The following ZIC2 variants were observed in gnomAD, a reference collection of about 807,000 sequenced individuals.
The protein encoded by ZIC2 is zinc finger protein ZIC 2.
ZIC2 carries 7 observed loss-of-function variants against 29.5 expected under a neutral mutation model. The ratio of observed to expected loss-of-function variants is 0.24; its 90% CI spans 0.14 to 0.45. The LOEUF (loss-of-function observed/expected upper bound fraction) is 0.45. ZIC2 is among the 20% of genes least tolerant of loss of function. The pLI, the probability that ZIC2 is intolerant of heterozygous loss-of-function variation, is 1.00. For missense variants in ZIC2, 589 were observed against 781.2 expected, an observed-to-expected ratio of 0.75 and a Z score of 2.93; for synonymous variants, 408 against 354.2, an observed-to-expected ratio of 1.15 and a Z score of -1.70.
chr13:99,985,700 C>T lies in ZIC2; in HGVS notation c.*18C>T. 1 of 1,329,504 alleles carries T rather than the reference C, an allele frequency of 7.5e-7. No homozygotes were observed. Among genetic ancestry groups the T allele is most frequent in the South Asian group, 1.6e-5 (1 of 62,718 alleles). 82.4% of individuals were successfully genotyped at this position (1,329,504 alleles called of 1,614,324 possible). ...ACGTGTGACGGGTCGGGGCCTCTCTCCCTCTCCCTGTCCCCACCCCAGCGC... is the reference window on the plus strand; with the variant it reads ...ACGTGTGACGGGTCGGGGCCTCTCTTCCTCTCCCTGTCCCCACCCCAGCGC... On this transcript the variant is annotated 3_prime_UTR_variant, in exon 3 of 3. Transcript: ENST00000376335. This position sits in a 1 kb window ranked among gnomAD's most constrained non-coding sequence, Gnocchi z 6.3.
At chr13:99,984,721 C>T in intron 1 of ZIC2, 1 of 553,270 alleles carries the variant, frequency 1.8e-6, no homozygotes, top group Non-Finnish European at 3.2e-6. Context: ...AGGAGATGGA[C>T]GTCAGCCTGG....
rs1243929445 is a variant in ZIC2 at position 99,982,354 on chromosome 13, C to T, written c.290C>T (p.Ala97Val). ...GCTGCGGCTGCCGCTGCGGCCGCAG[C>T]GCTCGGGCCCCACGCCGCGCACGTT... is the stretch of plus-strand genomic sequence containing the variant. ...GSAAAAAAAAALGPHAAHVGS... is the reference protein window; with the variant it reads ...GSAAAAAAAAVLGPHAAHVGS... The change falls in exon 1 of 3, where the codon GCG (alanine) becomes GTG (valine). Residue 97 changes from alanine (A) to valine (V), a missense_variant. Ala to Val is a moderately conservative substitution (Grantham distance 64). Transcript: ENST00000376335. The T allele has an allele frequency of 6.1e-6, 9 of 1,467,194 alleles. No individual in the cohort carries two copies. The highest frequency in any genetic ancestry group is 2.7e-5 in the Admixed American group (1 of 37,084). 90.9% of individuals were successfully genotyped at this position (1,467,194 alleles called of 1,614,324 possible).
At chr13:99,984,022 C>T (rs1006268346) in intron 1 of ZIC2, among the ~76,000 whole-genome samples, 2 of 152,156 alleles carry the variant, frequency 1.3e-5, no homozygotes, top group African/African-American at 4.8e-5. Flanking sequence ...TGTTCTCTTC[C>T]GGGAAGGGAG....
chr13:99,985,637 G>A lies in ZIC2; in HGVS notation c.1554G>A (p.Gly518=), dbSNP rs199669243. 581 of 1,281,976 alleles carry A rather than the reference G, an allele frequency of 4.5e-4. 5 individuals carry two copies. The African/African-American group carries it at 8.5e-3, about 19-fold the overall frequency. The allele number at this position is 1,281,976 out of a possible 1,614,324, so 79.4% of individuals were successfully genotyped here. The stretch of plus-strand genomic sequence containing the variant: ...CTGGCGGGGGCAGCGGGACAGCCGG[G>A]GGTCACAGCGGCCTCTCCTCCAACT... The part of the protein sequence containing the change: ...GSSGGGSGTA[G]GHSGLSSNFN... The change falls in exon 3 of 3, where the codon GGG becomes GGA. Residue 518 remains glycine (G), a synonymous_variant. Coordinates refer to ENST00000376335, the MANE Select transcript of ZIC2 (RefSeq NM_007129.5). This position sits in a 1 kb window ranked among gnomAD's most constrained non-coding sequence, Gnocchi z 6.3.
rs537421827 is a variant in ZIC2 at position 99,982,259 on chromosome 13, C to T, written c.195C>T (p.Gly65=). The change falls in exon 1 of 3, where the codon GGC becomes GGT. Residue 65 remains glycine, a synonymous_variant. Coordinates refer to ENST00000376335, the MANE Select transcript of ZIC2 (RefSeq NM_007129.5). ...AHMGAFKLNP[G]AHELSPGQSS... Reference sequence around the variant, plus strand: ...TGGGAGCCTTCAAGCTCAACCCGGGCGCGCACGAGCTGTCCCCGGGCCAGA... The same window carrying T: ...TGGGAGCCTTCAAGCTCAACCCGGGTGCGCACGAGCTGTCCCCGGGCCAGA... 31 of 1,506,702 alleles carry T rather than the reference C, an allele frequency of 2.1e-5. No individual in the cohort carries two copies. The Middle Eastern group carries it at 5.9e-4, about 29-fold the overall frequency. 93.3% of individuals were successfully genotyped at this position (1,506,702 alleles called of 1,614,324 possible).
Position 99,981,792 on chromosome 13 carries a change from C to G in ZIC2, c.-273C>G, listed in dbSNP as rs1293142988. 1.8e-6 allele frequency: 1 copy of G among 555,760 alleles called. No individual in the cohort carries two copies. Among genetic ancestry groups the G allele is most frequent in the African/African-American group, 2.1e-5 (1 of 48,696 alleles). 34.4% of individuals were successfully genotyped at this position (555,760 alleles called of 1,614,324 possible). A position where few individuals can be genotyped will look rare whatever the true frequency, so the allele number is the denominator to read the frequency against. On this transcript the variant is annotated 5_prime_UTR_variant, in exon 1 of 3. Transcript: ENST00000376335. ...GTTCTCCGCCTGGCTTTGGACTCTT[C>G]TCCTCCTCCACCTCCTCCTCCTCCT...
Position 99,983,244 on chromosome 13 carries a change from C to T in ZIC2, c.1075+105C>T, listed in dbSNP as rs1298454001. 6 of 1,465,934 alleles carry T rather than the reference C, an allele frequency of 4.1e-6. No homozygotes were observed. Among genetic ancestry groups the T allele is most frequent in the Non-Finnish European group, 5.5e-6 (6 of 1,093,040 alleles). The allele number at this position is 1,465,934 out of a possible 1,614,324, so 90.8% of individuals were successfully genotyped here. ...TGGGCGCAGACCGCCAGCCGGGGAC[C>T]TGGGATGGGAGGTGTTTTTGCGTGT... On this transcript the variant is annotated intron_variant, in intron 1 of 2. Transcript: ENST00000376335. This position sits in a 1 kb window ranked among gnomAD's most constrained non-coding sequence, Gnocchi z 4.7.
At chr13:99,984,567 G>T in intron 1 of ZIC2, 1 of 328,384 alleles carries the variant, frequency 3.0e-6, no homozygotes. Context: ...CCAGCAGCCT[G>T]TGTGATTTTG....
At position 99,985,756 on chromosome 13, in the gene ZIC2, C is replaced by A; in HGVS notation, c.*74C>A. ...CCCTCCCCGCAGCTAGCAGCGAGGG[C>A]ACCTTGTGATCATGTTGTTAAAATT... On this transcript the variant is annotated 3_prime_UTR_variant, in exon 3 of 3. Transcript: ENST00000376335. This position sits in a 1 kb window ranked among gnomAD's most constrained non-coding sequence, Gnocchi z 6.3. The A allele has an allele frequency of 3.5e-6, 3 of 846,842 alleles. No homozygotes were observed. The highest frequency in any genetic ancestry group is 4.8e-6 in the Non-Finnish European group (3 of 625,492). The allele number at this position is 846,842 out of a possible 1,614,324, so 52.5% of individuals were successfully genotyped here.
chr13:99,982,598 G>A lies in ZIC2; in HGVS notation c.534G>A (p.Gln178=). The A allele has an allele frequency of 6.3e-7, 1 of 1,580,026 alleles. No homozygotes were observed. The highest frequency in any genetic ancestry group is 8.5e-7 in the Non-Finnish European group (1 of 1,169,806). ...PHGSQNVLNG[Q]MRLGLPGEVF... ...GCTCGCAGAATGTGCTCAACGGGCA[G>A]ATGCGCCTCGGGCTGCCCGGCGAGG... The change falls in exon 1 of 3, where the codon CAG becomes CAA. Residue 178 remains glutamine (Q), a synonymous_variant. Transcript: ENST00000376335.
chr13:99,984,246 C>A (rs950916032), intron 1 of ZIC2: 1 of 154,236 alleles, frequency 6.5e-6, no homozygotes, highest in African/African-American at 2.4e-5. Flanking sequence ...GGAATTCTGG[C>A]AACAGGATGC....
rs1261433948 is a variant in ZIC2, at chr13:99,983,496, G to A, written c.1075+357G>A. 6.6e-6 allele frequency among the ~76,000 whole-genome samples: 1 copy of A among 152,146 alleles called. No individual in the cohort carries two copies. The highest frequency in any genetic ancestry group is 1.5e-5 in the Non-Finnish European group (1 of 68,034). The stretch of plus-strand genomic sequence containing the variant: ...GTGCCCGGGAAGCGAGCCTAGAGAG[G>A]ATTTTGCCAGCTTGTCTGAATGTGC... On this transcript the variant is annotated intron_variant, in intron 1 of 2. Transcript: ENST00000376335. This position sits in a 1 kb window ranked among gnomAD's most constrained non-coding sequence, Gnocchi z 4.7.
In ZIC2 at chr13:99,985,238, T is replaced by C. The variant is rs1419690922; in HGVS notation, c.1240-85T>C. On this transcript the variant is annotated intron_variant, in intron 2 of 2. Coordinates refer to ENST00000376335, the MANE Select transcript of ZIC2 (RefSeq NM_007129.5). The surrounding 1 kb of genome is among the most constrained non-coding windows in gnomAD (Gnocchi z 6.3). Reference sequence around the variant, plus strand: ...GCGGCGGGGGGAACATTTCTGGGGGTGCTCTCCCCCAGGGGCCCGGCCCCA... The same window carrying C: ...GCGGCGGGGGGAACATTTCTGGGGGCGCTCTCCCCCAGGGGCCCGGCCCCA... 3.1e-6 allele frequency: 5 copies of C among 1,599,598 alleles called. No homozygotes were observed.
At chr13:99,984,669 GC>G (rs2053254181) in intron 1 of ZIC2, 10 of 465,038 alleles carry the variant, frequency 2.2e-5, no homozygotes, top group South Asian at 2.1e-4. Context: ...CTCTAGAAAG[GC>G]AGGCAGGGCT....
At position 99,981,859 on chromosome 13, in the gene ZIC2, C is replaced by T; in HGVS notation, c.-206C>T. 9.3e-7 allele frequency: 1 copy of T among 1,075,806 alleles called. No individual in the cohort carries two copies. Among genetic ancestry groups the T allele is most frequent in the Non-Finnish European group, 1.3e-6 (1 of 799,832 alleles). 66.6% of individuals were successfully genotyped at this position (1,075,806 alleles called of 1,614,324 possible). A position where few individuals can be genotyped will look rare whatever the true frequency, so the allele number is the denominator to read the frequency against. ...CTCCTCCTCTTCCTCTCCGCGCCTT[C>T]GCTACGCGCCCGGCCGCCCGAGGCA... On this transcript the variant is annotated 5_prime_UTR_variant, in exon 1 of 3. Transcript: ENST00000376335.
At position 99,981,841 on chromosome 13, in the gene ZIC2, T is replaced by G. The variant is rs1460705577; in HGVS notation, c.-224T>G. ...CTCCCGCGCCGCCGCCTCCTCCTCC[T>G]CTTCCTCTCCGCGCCTTCGCTACGC... is the stretch of plus-strand genomic sequence containing the variant. On this transcript the variant is annotated 5_prime_UTR_variant, in exon 1 of 3. Transcript: ENST00000376335. 31 of 890,824 alleles carry G rather than the reference T, an allele frequency of 3.5e-5. No individual in the cohort carries two copies. Among genetic ancestry groups the G allele is most frequent in the Non-Finnish European group, 4.6e-5 (29 of 633,294 alleles). 55.2% of individuals were successfully genotyped at this position (890,824 alleles called of 1,614,324 possible).
At position 99,985,130 on chromosome 13, in the gene ZIC2, A is replaced by T; in HGVS notation, c.1239+21A>T. The T allele has an allele frequency of 2.5e-6, 4 of 1,613,646 alleles. No individual in the cohort carries two copies. Among genetic ancestry groups the T allele is most frequent in the Non-Finnish European group, 3.4e-6 (4 of 1,179,762 alleles). On this transcript the variant is annotated intron_variant, in intron 2 of 2. Transcript: ENST00000376335. The surrounding 1 kb of genome is among the most constrained non-coding windows in gnomAD (Gnocchi z 6.3). ...TGAAGGTACCACCGCGGCGGCCGGG[A>T]GGAGGGCGAGGCAGGCCGAGGCGCC... is the stretch of plus-strand genomic sequence containing the variant.
chr13:99,981,856 CT>C lies in ZIC2; in HGVS notation c.-207del. The C allele has an allele frequency of 9.5e-7, 1 of 1,055,214 alleles. No individual in the cohort carries two copies. Among genetic ancestry groups the C allele is most frequent in the Non-Finnish European group, 1.3e-6 (1 of 779,968 alleles). The allele number at this position is 1,055,214 out of a possible 1,614,324, so 65.4% of individuals were successfully genotyped here. ...CTCCTCCTCCTCTTCCTCTCCGCGC[CT>C]TCGCTACGCGCCCGGCCGCCCGAGG... On this transcript the variant is annotated 5_prime_UTR_variant, in exon 1 of 3. Transcript: ENST00000376335.
In ZIC2 at chr13:99,985,809, A is replaced by T; in HGVS notation, c.*127A>T. 2.2e-6 allele frequency: 1 copy of T among 457,882 alleles called. No individual in the cohort carries two copies. Among genetic ancestry groups the T allele is most frequent in the Non-Finnish European group, 3.1e-6 (1 of 319,536 alleles). 28.4% of individuals were successfully genotyped at this position (457,882 alleles called of 1,614,324 possible). A position where few individuals can be genotyped will look rare whatever the true frequency, so the allele number is the denominator to read the frequency against. Reference sequence around the variant, plus strand: ...GAATCTGATTTTTATGATGATGAAAATTTTACCAGCAGAAGGATTTTTTAA... The same window carrying T: ...GAATCTGATTTTTATGATGATGAAATTTTTACCAGCAGAAGGATTTTTTAA... On this transcript the variant is annotated 3_prime_UTR_variant, in exon 3 of 3. Transcript: ENST00000376335. The surrounding 1 kb of genome is among the most constrained non-coding windows in gnomAD (Gnocchi z 6.3).
Sources: gnomAD v4.1 joint callset for allele counts (sites outside exome capture counted in the v4.1 genomes callset) on GRCh38, gnomAD v4.1.1 for gene constraint, Gnocchi (gnomAD v3.1) non-coding constraint, MANE v1.5 for transcripts, NCBI Gene and HGNC (gene_info 2026-07-23, HGNC 2026-07-21) for gene names.